RBFOX1: variants seen among roughly 807,000 people sequenced by gnomAD.
RBFOX1 encodes the protein RNA binding fox-1 homolog 1, also known as RNA binding protein fox-1 homolog 1.
RBFOX1 carries 8 observed loss-of-function variants against 57.7 expected under a neutral mutation model. The ratio of observed to expected loss-of-function variants is 0.14; its 90% CI spans 0.08 to 0.25. The LOEUF (loss-of-function observed/expected upper bound fraction) is 0.25. Among genes scored for constraint, RBFOX1 ranks in the 10% least tolerant of loss-of-function variants. The probability of loss-of-function intolerance (pLI) is 1.00; values close to 1 mark genes in which losing one functional copy is unlikely to be tolerated. For synonymous variants in RBFOX1, 326 were observed against 222.4 expected, an observed-to-expected ratio of 1.47 and a Z score of -4.15; for missense variants, 611 against 548.5, an observed-to-expected ratio of 1.11 and a Z score of -1.14.
At chr16:6,685,442 AT>A (rs71145275) in intron 3 of RBFOX1, among the ~76,000 whole-genome samples, 8,762 of 125,564 alleles carry the variant, frequency 0.07, 352 homozygotes, top group African/African-American at 0.12. Context: ...TACCCAGCTA[AT>A]TTTTTTTTTT....
chr16:6,199,491 A>G (rs1237402244), intron 1 of RBFOX1, among the ~76,000 whole-genome samples: 2 of 152,196 alleles, frequency 1.3e-5, no homozygotes, highest in Admixed American at 6.5e-5. Context: ...TTAATGGATC[A>G]CGTCACCAAA....
chr16:7,385,537 G>GCTTGCA (rs781235619), intron 4 of RBFOX1, among the ~76,000 whole-genome samples: 1 of 152,166 alleles, frequency 6.6e-6, no homozygotes, highest in African/African-American at 2.4e-5. Context: ...GCAGGAGTGA[G>GCTTGCA]CTTGCAGAAG....
chr16:6,920,274 T>G (rs533119848), intron 3 of RBFOX1, among the ~76,000 whole-genome samples: 2 of 152,196 alleles, frequency 1.3e-5, no homozygotes, highest in Admixed American at 6.5e-5. Context: ...ATGACTTCTT[T>G]CCTTTGGTAG....
chr16:7,372,189 A>T (rs2097578650), intron 4 of RBFOX1, among the ~76,000 whole-genome samples: 1 of 152,138 alleles, frequency 6.6e-6, no homozygotes, highest in Non-Finnish European at 1.5e-5. Context: ...TTCAATTCAC[A>T]TCACTTTCTC....
In RBFOX1 at chr16:6,866,742, C is replaced by G. The variant is rs563285373; in HGVS notation, c.-15-185315C>G. Reference sequence around the variant, plus strand: ...TATTTTTAGTAGAGAAGGGGTTTCACCGTGTTAGCCAGGATGGTCTCGATC... The same window carrying G: ...TATTTTTAGTAGAGAAGGGGTTTCAGCGTGTTAGCCAGGATGGTCTCGATC... On this transcript the variant is annotated intron_variant, in intron 3 of 15. Transcript: ENST00000550418. 5.9e-3 allele frequency among the ~76,000 whole-genome samples: 901 copies of G among 151,806 alleles called. 7 individuals are homozygous for G. Among genetic ancestry groups the G allele is most frequent in the Non-Finnish European group, 7.6e-3 (513 of 67,888 alleles).
At chr16:6,707,997 C>G (rs1396915722) in intron 3 of RBFOX1, among the ~76,000 whole-genome samples, 1 of 152,090 alleles carries the variant, frequency 6.6e-6, no homozygotes, top group African/African-American at 2.4e-5. Context: ...TCAGGTAGTG[C>G]TGTGGAGGGT....
chr16:6,378,374 A>G (rs547952424), intron 2 of RBFOX1, among the ~76,000 whole-genome samples: 9 of 152,206 alleles, frequency 5.9e-5, no homozygotes, highest in African/African-American at 2.2e-4. Flanking sequence ...ATCCTTCCCA[A>G]CAGCTCGCTG....
chr16:6,609,100 A>T (rs1258515742), intron 2 of RBFOX1, among the ~76,000 whole-genome samples: 1 of 152,128 alleles, frequency 6.6e-6, no homozygotes, highest in Non-Finnish European at 1.5e-5. Flanking sequence ...TAATTTCCCT[A>T]TTTAAGGTCT....
At chr16:7,352,146 G>A (rs1457172982) in intron 4 of RBFOX1, among the ~76,000 whole-genome samples, 1 of 152,170 alleles carries the variant, frequency 6.6e-6, no homozygotes, top group Non-Finnish European at 1.5e-5. Context: ...ACATACTAAA[G>A]GATCTCTGCT....
intron 4 of RBFOX1, among the ~76,000 whole-genome samples, chr16:7,516,170 G>C (rs1336997342): frequency 2.6e-5 from 4 of 152,124 alleles, no homozygotes; most frequent in Non-Finnish European, 5.9e-5. Flanking sequence ...GGCAGCTCCA[G>C]GCTTATGATG....
At chr16:6,758,441 T>C (rs181881615) in intron 3 of RBFOX1, among the ~76,000 whole-genome samples, 4 of 152,246 alleles carry the variant, frequency 2.6e-5, no homozygotes, top group East Asian at 1.9e-4. Flanking sequence ...CAAATTACAA[T>C]TGAACCCAGT....
intron 1 of RBFOX1, among the ~76,000 whole-genome samples, chr16:6,110,538 G>A (rs1015456145): frequency 6.6e-6 from 1 of 152,038 alleles, no homozygotes. Flanking sequence ...ACAACTACCC[G>A]CTGGGCTGTT....
chr16:6,579,710 T>C (rs1245899135), intron 2 of RBFOX1, among the ~76,000 whole-genome samples: 4 of 152,130 alleles, frequency 2.6e-5, no homozygotes, highest in African/African-American at 9.7e-5. Context: ...CTCAGGTATA[T>C]CTTTAGTAGC....
chr16:6,920,944 A>C (rs539334891), intron 3 of RBFOX1, among the ~76,000 whole-genome samples: 1 of 152,318 alleles, frequency 6.6e-6, no homozygotes, highest in South Asian at 2.1e-4. Context: ...CTATCTGGCT[A>C]GTCTGTAATG....
At chr16:7,441,947 A>C (rs796414018) in intron 4 of RBFOX1, among the ~76,000 whole-genome samples, 1 of 152,214 alleles carries the variant, frequency 6.6e-6, no homozygotes, top group Non-Finnish European at 1.5e-5. Flanking sequence ...TTGCATCTGC[A>C]TTGGGGCTGC....
intron 10 of RBFOX1, among the ~76,000 whole-genome samples, chr16:7,616,333 G>C (rs778104345): frequency 2.0e-4 from 31 of 152,230 alleles, no homozygotes; most frequent in Non-Finnish European, 3.4e-4. Context: ...GAAATGGCAT[G>C]TGACAGCACA....
chr16:6,945,387 T>C (rs2079301428), intron 3 of RBFOX1, among the ~76,000 whole-genome samples: 1 of 151,948 alleles, frequency 6.6e-6, no homozygotes, highest in South Asian at 2.1e-4. Flanking sequence ...CTGAACAACC[T>C]GTGCCATTTC....
At chr16:7,220,059 C>G (rs551897333) in intron 4 of RBFOX1, among the ~76,000 whole-genome samples, 1 of 152,278 alleles carries the variant, frequency 6.6e-6, no homozygotes, top group South Asian at 2.1e-4. Flanking sequence ...AATGGAGTTG[C>G]ATTGTTTGAC....
At chr16:7,618,128 C>T (rs546279842) in intron 10 of RBFOX1, among the ~76,000 whole-genome samples, 12 of 152,226 alleles carry the variant, frequency 7.9e-5, no homozygotes, top group Admixed American at 7.2e-4. Flanking sequence ...AGAGTACCTT[C>T]TAGAGAAAGG....
Sources: gnomAD v4.1 joint callset for allele counts (sites outside exome capture counted in the v4.1 genomes callset) on GRCh38, gnomAD v4.1.1 for gene constraint, MANE v1.5 for transcripts, NCBI Gene and HGNC (gene_info 2026-07-23, HGNC 2026-07-21) for gene names.